The following SGIP1 variants were observed in gnomAD, a reference collection of about 807,000 sequenced individuals.
The protein encoded by SGIP1 is SH3GL interacting endocytic adaptor 1.
Under a neutral mutation model 107.5 loss-of-function variants are expected in SGIP1, and 38 were observed. The ratio of observed to expected loss-of-function variants is 0.35; its 90% CI spans 0.27 to 0.46. The LOEUF (loss-of-function observed/expected upper bound fraction) is 0.46, where lower values mean the gene tolerates loss of function less well. Ranked by LOEUF, SGIP1 falls within the 20% of genes least tolerant of loss-of-function variation. The probability of loss-of-function intolerance (pLI) is 1.00; values close to 1 mark genes in which losing one functional copy is unlikely to be tolerated. For missense variants in SGIP1, 929 were observed against 1,019.5 expected (o/e 0.91, Z 1.21); for synonymous variants, 365 against 366.1 (o/e 1.00, Z 0.03).
chr1:66,556,747 G>A (rs1314037766), intron 1 of SGIP1, among the ~76,000 whole-genome samples: 1 of 149,612 alleles, frequency 6.7e-6, no homozygotes, highest in Non-Finnish European at 1.5e-5. Flanking sequence ...ATTCTTTAAA[G>A]GGTGAGTGAA....
At chr1:66,545,401 A>G (rs2056145494) in intron 1 of SGIP1, among the ~76,000 whole-genome samples, 1 of 152,186 alleles carries the variant, frequency 6.6e-6, no homozygotes, top group Non-Finnish European at 1.5e-5. Context: ...GCCTTCACAT[A>G]TGCAGCAGGT....
intron 1 of SGIP1, among the ~76,000 whole-genome samples, chr1:66,615,418 C>T (rs1029501566): frequency 6.6e-6 from 1 of 152,174 alleles, no homozygotes; most frequent in Non-Finnish European, 1.5e-5. Context: ...CAGGTGTGAG[C>T]CACTGCACAT....
chr1:66,657,390 C>T (rs552724513), intron 7 of SGIP1, among the ~76,000 whole-genome samples: 10 of 152,212 alleles, frequency 6.6e-5, no homozygotes, highest in South Asian at 4.1e-4. Context: ...AATCAGAGCA[C>T]GAAACCTTCA....
chr1:66,555,363 A>T (rs1194656843), intron 1 of SGIP1, among the ~76,000 whole-genome samples: 1 of 152,050 alleles, frequency 6.6e-6, no homozygotes, highest in Non-Finnish European at 1.5e-5. Flanking sequence ...CACCATCTTT[A>T]TCTTATATCT....
intron 10 of SGIP1, among the ~76,000 whole-genome samples, chr1:66,671,296 T>A (rs773464841): frequency 6.6e-6 from 1 of 152,214 alleles, no homozygotes; most frequent in African/African-American, 2.4e-5. Flanking sequence ...TATTTAACTT[T>A]AGAAATGAAT....
rs550464437 is a variant in SGIP1 at position 66,735,626 on chromosome 1, C to T, written c.2031+1746C>T. On this transcript the variant is annotated intron_variant, in intron 21 of 24. Coordinates refer to ENST00000371037, the MANE Select transcript of SGIP1 (RefSeq NM_032291.4). ...ATGAGGTCAGGAGATCGAGACCATC[C>T]TGGCTAACAAGGTGAAACCCCGTCT... Among the ~76,000 whole-genome samples, 244 of 69,780 alleles carry T rather than the reference C, an allele frequency of 3.5e-3. 98 individuals carry two copies. The highest frequency in any genetic ancestry group is 6.3e-3 in the Non-Finnish European group (197 of 31,242). 45.8% of individuals were successfully genotyped at this position (69,780 alleles called of 152,430 possible). A position where few individuals can be genotyped will look rare whatever the true frequency, so the allele number is the denominator to read the frequency against.
intron 1 of SGIP1, among the ~76,000 whole-genome samples, chr1:66,543,551 G>A (rs1457590594): frequency 3.9e-5 from 6 of 152,162 alleles, no homozygotes; most frequent in African/African-American, 7.2e-5. Context: ...TGTTTTTCAC[G>A]TTCAAAGGTG....
At chr1:66,709,720 C>G (rs1209546085) in intron 18 of SGIP1, among the ~76,000 whole-genome samples, 9 of 152,110 alleles carry the variant, frequency 5.9e-5, no homozygotes, top group Non-Finnish European at 8.8e-5. Context: ...AGCTTCTTGA[C>G]TTTTTTAAGC....
chr1:66,538,491 G>T (rs758322280), intron 1 of SGIP1, among the ~76,000 whole-genome samples: 2 of 152,020 alleles, frequency 1.3e-5, no homozygotes, highest in Admixed American at 1.3e-4. Context: ...AAAAGAATAT[G>T]GAGTCTTTAA....
chr1:66,622,798 A>G (rs972146619), intron 1 of SGIP1, among the ~76,000 whole-genome samples: 3 of 152,200 alleles, frequency 2.0e-5, no homozygotes, highest in African/African-American at 7.2e-5. Flanking sequence ...GCAAGGGAAG[A>G]GTCATCACAT....
chr1:66,645,128 T>A (rs1432162795), intron 7 of SGIP1, among the ~76,000 whole-genome samples: 1 of 152,224 alleles, frequency 6.6e-6, no homozygotes, highest in Non-Finnish European at 1.5e-5. Context: ...TTCTCTGAGT[T>A]TGTTCTCTGT....
At chr1:66,665,239 T>A (rs182973700) in intron 8 of SGIP1, among the ~76,000 whole-genome samples, 1 of 152,302 alleles carries the variant, frequency 6.6e-6, no homozygotes, top group Non-Finnish European at 1.5e-5. Context: ...TTTCTGTCCT[T>A]GCGATAGTTT....
intron 12 of SGIP1, among the ~76,000 whole-genome samples, chr1:66,675,543 T>C (rs1404365776): frequency 3.9e-5 from 5 of 127,640 alleles, no homozygotes; most frequent in Admixed American, 1.6e-4. Context: ...TTTTCTTTCT[T>C]TTTTTTTTTT....
intron 1 of SGIP1, among the ~76,000 whole-genome samples, chr1:66,623,997 T>C (rs2071938857): frequency 6.6e-6 from 1 of 152,226 alleles, no homozygotes; most frequent in Non-Finnish European, 1.5e-5. Context: ...TGTTACCAAT[T>C]TAATACAAAG....
intron 1 of SGIP1, among the ~76,000 whole-genome samples, chr1:66,550,204 G>C (rs2057191710): frequency 6.6e-6 from 1 of 152,066 alleles, no homozygotes; most frequent in Non-Finnish European, 1.5e-5. Context: ...CACACCAAAG[G>C]CTGTGAAATT....
At chr1:66,662,188 TG>T (rs2149731577) in intron 8 of SGIP1, among the ~76,000 whole-genome samples, 1 of 152,326 alleles carries the variant, frequency 6.6e-6, no homozygotes, top group East Asian at 1.9e-4. Context: ...TAGTAATAAA[TG>T]TAGTGATCAT....
chr1:66,598,473 T>C (rs2065144420), intron 1 of SGIP1, among the ~76,000 whole-genome samples: 1 of 152,180 alleles, frequency 6.6e-6, no homozygotes, highest in African/African-American at 2.4e-5. Flanking sequence ...GCCACGTGTA[T>C]TAGTTTGTTC....
chr1:66,705,471 T>C (rs1193218707), intron 18 of SGIP1, among the ~76,000 whole-genome samples: 1 of 152,210 alleles, frequency 6.6e-6, no homozygotes, highest in Non-Finnish European at 1.5e-5. Flanking sequence ...ATCATCACTG[T>C]GGCAAATGAA....
At chr1:66,552,714 A>G (rs2057594299) in intron 1 of SGIP1, among the ~76,000 whole-genome samples, 1 of 152,160 alleles carries the variant, frequency 6.6e-6, no homozygotes, top group African/African-American at 2.4e-5. Context: ...TGAGGAATAA[A>G]TAAGTTAACA....
Sources: gnomAD v4.1 joint callset for allele counts (sites outside exome capture counted in the v4.1 genomes callset) on GRCh38, gnomAD v4.1.1 for gene constraint, MANE v1.5 for transcripts, NCBI Gene and HGNC (gene_info 2026-07-23, HGNC 2026-07-21) for gene names.